The following MCF2L variants were observed in gnomAD, a reference collection of about 807,000 sequenced individuals.
MCF2L encodes MCF.2 cell line derived transforming sequence like.
In MCF2L, 97 loss-of-function variants were observed where a neutral mutation model predicts 153.4. The ratio of observed to expected loss-of-function variants is 0.63; its 90% CI spans 0.54 to 0.75. The LOEUF is 0.75. Ranked by LOEUF, MCF2L falls within the 30% of genes least tolerant of loss-of-function variation. The probability of loss-of-function intolerance (pLI) is 0.00; values close to 1 mark genes in which losing one functional copy is unlikely to be tolerated. For synonymous variants in MCF2L, 659 were observed against 632.2 expected, an observed-to-expected ratio of 1.04 and a Z score of -0.64; for missense variants, 1,347 against 1,495.2, an observed-to-expected ratio of 0.90 and a Z score of 1.64.
At chr13:113,018,377 C>G (rs2084666470) in intron 2 of MCF2L, among the ~76,000 whole-genome samples, 1 of 152,210 alleles carries the variant, frequency 6.6e-6, no homozygotes, top group African/African-American at 2.4e-5. Context: ...CCCTACTGTC[C>G]CCTCTAGTTT....
At chr13:112,905,592 G>A (rs888875842) in intron 2 of MCF2L, among the ~76,000 whole-genome samples, 2 of 152,110 alleles carry the variant, frequency 1.3e-5, no homozygotes, top group Non-Finnish European at 2.9e-5. Context: ...CCCCCAGCTC[G>A]ACACCCACCA....
Position 112,951,926 on chromosome 13 carries a change from C to T in MCF2L, c.169+49555C>T, listed in dbSNP as rs1293777172. Among the ~76,000 whole-genome samples, 2 of 152,234 alleles carry T rather than the reference C, an allele frequency of 1.3e-5. No individual in the cohort carries two copies. Among genetic ancestry groups the T allele is most frequent in the East Asian group, 1.9e-4 (1 of 5,202 alleles). ...CACTCTCTGTCAACAAACCCACATACACGCACCGCATTACAAGGGCTTTAC... is the reference window on the plus strand; with the variant it reads ...CACTCTCTGTCAACAAACCCACATATACGCACCGCATTACAAGGGCTTTAC... On this transcript the variant is annotated intron_variant, in intron 2 of 29. Transcript: ENST00000375608. This position sits in a 1 kb window ranked among gnomAD's most constrained non-coding sequence, Gnocchi z 4.8.
At chr13:113,073,858 T>C (rs1594934474) in intron 9 of MCF2L, among the ~76,000 whole-genome samples, 1 of 151,418 alleles carries the variant, frequency 6.6e-6, no homozygotes, top group Non-Finnish European at 1.5e-5. Context: ...GAGGTTACAG[T>C]GAGCCAAGAT....
chr13:112,908,975 C>A (rs2081201488), intron 2 of MCF2L, among the ~76,000 whole-genome samples: 2 of 152,288 alleles, frequency 1.3e-5, no homozygotes, highest in Admixed American at 1.3e-4. Flanking sequence ...CCGCCTGCCT[C>A]AGCCTCCCAA....
chr13:113,025,883 G>A lies in MCF2L; in HGVS notation c.278+1125G>A, dbSNP rs1328839458. Among the ~76,000 whole-genome samples, 874 of 105,994 alleles carry A rather than the reference G, an allele frequency of 8.2e-3. 24 individuals are homozygous for A. Among genetic ancestry groups the A allele is most frequent in the Admixed American group, 0.012 (118 of 10,040 alleles). The allele number at this position is 105,994 out of a possible 152,430, so 69.5% of individuals were successfully genotyped here. A position where few individuals can be genotyped will look rare whatever the true frequency, so the allele number is the denominator to read the frequency against. ...CCCCGTGACTGTGGGTCGGGGCAGAGTCCCTGTGAGGTTTCCCCATTGTGG... is the reference window on the plus strand; with the variant it reads ...CCCCGTGACTGTGGGTCGGGGCAGAATCCCTGTGAGGTTTCCCCATTGTGG... On this transcript the variant is annotated intron_variant, in intron 3 of 29. Transcript: ENST00000535094.
Position 112,969,254 on chromosome 13 carries a change from G to A in MCF2L, c.-126G>A, listed in dbSNP as rs2081961148. The A allele has an allele frequency of 7.0e-7, 1 of 1,420,558 alleles. No homozygotes were observed. The highest frequency in any genetic ancestry group is 9.3e-7 in the Non-Finnish European group (1 of 1,078,644). The allele number at this position is 1,420,558 out of a possible 1,614,324, so 88.0% of individuals were successfully genotyped here. Reference sequence around the variant, plus strand: ...GGCAGGGAGGCGGCGGCTGGAGGCTGAAAGCGCTGCCGTGGCCCCCTCCCC... The same window carrying A: ...GGCAGGGAGGCGGCGGCTGGAGGCTAAAAGCGCTGCCGTGGCCCCCTCCCC... On this transcript the variant is annotated 5_prime_UTR_variant, in exon 1 of 30. Coordinates refer to ENST00000535094, the MANE Select transcript of MCF2L (RefSeq NM_001112732.3). The surrounding 1 kb of genome is among the most constrained non-coding windows in gnomAD (Gnocchi z 4.8).
chr13:112,942,684 C>CT (rs1238719989), intron 2 of MCF2L, among the ~76,000 whole-genome samples: 1 of 152,216 alleles, frequency 6.6e-6, no homozygotes, highest in Non-Finnish European at 1.5e-5. Flanking sequence ...TAAAAAAACT[C>CT]TGTCTAGTTA....
chr13:113,000,071 G>A (rs369957730), intron 1 of MCF2L, among the ~76,000 whole-genome samples: 5 of 152,190 alleles, frequency 3.3e-5, no homozygotes, highest in Admixed American at 6.5e-5. Flanking sequence ...GGCTGGTGCC[G>A]TGGTGACGGC....
upstream of MCF2L, chr13:112,966,011 G>A (rs1594395558): frequency 6.6e-6 from 1 of 152,330 alleles, no homozygotes; most frequent in South Asian, 2.1e-4. This position sits in a 1 kb window ranked among gnomAD's most constrained non-coding sequence, Gnocchi z 4.1. Flanking sequence ...TGTGTGGCCT[G>A]GGGCAAGTCG....
intron 2 of MCF2L, among the ~76,000 whole-genome samples, chr13:113,017,660 A>G (rs976398581): frequency 2.0e-5 from 3 of 151,920 alleles, no homozygotes; most frequent in Non-Finnish European, 4.4e-5. Context: ...CCGCCCCAGC[A>G]TCACCCATGG....
At chr13:113,084,202 C>A (rs2142016104) in intron 18 of MCF2L, 135 bp downstream of exon 18, 3 of 762,482 alleles carry the variant, frequency 3.9e-6, no homozygotes, top group East Asian at 2.6e-5. Flanking sequence ...GCTGAGATAC[C>A]ATGATGCTCC....
intron 2 of MCF2L, chr13:112,957,473 G>A (rs1238699876): frequency 1.3e-5 from 2 of 152,016 alleles, no homozygotes. Flanking sequence ...ATGAGAGGCC[G>A]AGGCCCCGGG....
intron 2 of MCF2L, among the ~76,000 whole-genome samples, chr13:112,961,368 C>T (rs1238091412): frequency 6.6e-6 from 1 of 152,250 alleles, no homozygotes; most frequent in Non-Finnish European, 1.5e-5. Flanking sequence ...TTCCCACGAG[C>T]AGTCTTCTGC....
intron 13 of MCF2L, 111 bp downstream of exon 13, chr13:113,077,322 C>G: frequency 8.1e-7 from 1 of 1,240,110 alleles, no homozygotes; most frequent in Non-Finnish European, 1.1e-6. Flanking sequence ...TCTCCACACG[C>G]CTCCTCCCCT....
intron 1 of MCF2L, among the ~76,000 whole-genome samples, chr13:112,895,070 C>T (rs540983640): frequency 3.3e-5 from 5 of 152,310 alleles, no homozygotes; most frequent in South Asian, 2.1e-4. Flanking sequence ...CCGTGGAGCG[C>T]GGGCTGGGCG....
intron 5 of MCF2L, among the ~76,000 whole-genome samples, chr13:113,062,717 A>C (rs549743732): frequency 6.6e-6 from 1 of 152,032 alleles, no homozygotes; most frequent in Admixed American, 6.6e-5. Flanking sequence ...GGACTCAGCC[A>C]TAGAAAGGAG....
chr13:113,038,396 C>T (rs1377453194), intron 3 of MCF2L, among the ~76,000 whole-genome samples: 2 of 148,708 alleles, frequency 1.3e-5, no homozygotes, highest in Non-Finnish European at 3.0e-5. Flanking sequence ...ACCCGGAAGG[C>T]GGAGCTTGCA....
At chr13:112,914,870 CCTTTT>C (rs1426657686) in intron 2 of MCF2L, among the ~76,000 whole-genome samples, 2 of 151,004 alleles carry the variant, frequency 1.3e-5, no homozygotes, top group Non-Finnish European at 2.9e-5. Flanking sequence ...TCTTGACTTT[CCTTTT>C]TTTTTTTCTT....
chr13:113,051,465 C>T (rs2087322074), intron 4 of MCF2L, among the ~76,000 whole-genome samples: 1 of 152,184 alleles, frequency 6.6e-6, no homozygotes, highest in African/African-American at 2.4e-5. Context: ...CGAGGGTTCG[C>T]TCCTCCCACC....
Sources: allele counts gnomAD v4.1 joint callset (sites outside exome capture counted in the v4.1 genomes callset), GRCh38; gene constraint gnomAD v4.1.1; non-coding constraint Gnocchi (gnomAD v3.1); transcripts MANE v1.5; gene names NCBI Gene and HGNC (gene_info 2026-07-23, HGNC 2026-07-21).